N4BP2: variants seen among roughly 807,000 people sequenced by gnomAD.
The protein encoded by N4BP2 is NEDD4-binding protein 2.
In N4BP2, 91 loss-of-function variants were observed where a neutral mutation model predicts 152.8. That is an observed-to-expected ratio of 0.60 (90% confidence interval 0.50 to 0.71). N4BP2 has a LOEUF of 0.71. N4BP2 is among the 30% of genes least tolerant of loss of function. The pLI is 0.00. For missense variants in N4BP2, 1,923 were observed against 2,059.1 expected (o/e 0.93, Z 1.28); for synonymous variants, 646 against 705.3 (o/e 0.92, Z 1.33).
At chr4:40,088,314 GAGTTGTATGGT>G in intron 2 of N4BP2, among the ~76,000 whole-genome samples, 1 of 152,228 alleles carries the variant, frequency 6.6e-6, no homozygotes, top group East Asian at 1.9e-4. Context: ...TGCAATTGCT[GAGTTGTATGGT>G]AGTTGTATAT....
intron 4 of N4BP2, among the ~76,000 whole-genome samples, chr4:40,105,651 G>A (rs886820072): frequency 6.6e-6 from 1 of 151,526 alleles, no homozygotes; most frequent in Non-Finnish European, 1.5e-5. Flanking sequence ...CTGGGTTCAA[G>A]CAATCCTCCT....
At chr4:40,142,973 T>A in intron 15 of N4BP2, 112 bp downstream of exon 15, 1 of 836,724 alleles carries the variant, frequency 1.2e-6, no homozygotes, top group Non-Finnish European at 1.9e-6. Flanking sequence ...GGGAATGTAG[T>A]AGTTATGTAA....
chr4:40,141,680 G>T (rs971590863), intron 14 of N4BP2, among the ~76,000 whole-genome samples: 7 of 152,132 alleles, frequency 4.6e-5, no homozygotes, highest in Non-Finnish European at 8.8e-5. Context: ...CTTCCCAGAC[G>T]GGGTGGCGGC....
the N4BP2 span, among the ~76,000 whole-genome samples, chr4:40,182,884 C>T: frequency 6.6e-6 from 1 of 152,082 alleles, no homozygotes; most frequent in Non-Finnish European, 1.5e-5. Flanking sequence ...ACCATGTTGG[C>T]CAGGCTGGTC....
Position 40,102,116 on chromosome 4 carries a change from G to A in N4BP2, c.271G>A (p.Asp91Asn). 1.9e-6 allele frequency: 3 copies of A among 1,609,960 alleles called. No individual in the cohort carries two copies. The highest frequency in any genetic ancestry group is 1.7e-5 in the Admixed American group (1 of 58,980). Residue 91 changes from aspartate to asparagine, a missense_variant, in exon 4 of 18, where the codon GAT becomes AAT. By Grantham distance (23) the Asp-to-Asn change is conservative. Transcript: ENST00000261435. ...MDCLLELSAT[D>N]TKIEESSSQS... ...TTGTCTATTAGAATTATCTGCCACT[G>A]ATACCAAGATAGAAGAATCATCTTC... is the stretch of plus-strand genomic sequence containing the variant.
chr4:40,136,480 G>A (rs1719411559), intron 13 of N4BP2, among the ~76,000 whole-genome samples: 1 of 152,050 alleles, frequency 6.6e-6, no homozygotes, highest in Admixed American at 6.6e-5. Flanking sequence ...TGCCTTCCGG[G>A]TTCAAGCGAT....
the N4BP2 span, among the ~76,000 whole-genome samples, chr4:40,179,976 C>T: frequency 6.6e-6 from 1 of 152,042 alleles, no homozygotes; most frequent in Non-Finnish European, 1.5e-5. Flanking sequence ...GTTGGTCAGG[C>T]TGGTCTTGAA....
chr4:40,114,022 A>G (rs1011621771), intron 7 of N4BP2, among the ~76,000 whole-genome samples: 1 of 152,214 alleles, frequency 6.6e-6, no homozygotes, highest in Non-Finnish European at 1.5e-5. Context: ...GAGCACTGGA[A>G]GGTAGTACGG....
intron 5 of N4BP2, among the ~76,000 whole-genome samples, chr4:40,107,604 G>A (rs532943682): frequency 7.9e-5 from 12 of 152,094 alleles, no homozygotes; most frequent in South Asian, 2.1e-4. Context: ...GGCTGGTCTC[G>A]AACTCCTGAC....
At chr4:40,136,651 G>A (rs1022166082) in intron 13 of N4BP2, among the ~76,000 whole-genome samples, 7 of 152,184 alleles carry the variant, frequency 4.6e-5, no homozygotes, top group Non-Finnish European at 8.8e-5. Context: ...GCCCCCCGAA[G>A]TGCTGGGATT....
At chr4:40,093,735 G>T (rs993291119) in intron 2 of N4BP2, among the ~76,000 whole-genome samples, 8 of 152,046 alleles carry the variant, frequency 5.3e-5, no homozygotes, top group Non-Finnish European at 8.8e-5. Context: ...TCCTGCTTCT[G>T]TTTCTTCAGT....
chr4:40,146,721 T>C (rs1720552889), intron 16 of N4BP2, among the ~76,000 whole-genome samples: 1 of 152,158 alleles, frequency 6.6e-6, no homozygotes, highest in Non-Finnish European at 1.5e-5. Flanking sequence ...GTATATGATA[T>C]AGTGCTATTA....
At chr4:40,059,862 A>C (rs961371364) in intron 1 of N4BP2, among the ~76,000 whole-genome samples, 3 of 152,196 alleles carry the variant, frequency 2.0e-5, no homozygotes, top group Admixed American at 2.0e-4. Flanking sequence ...CACTATTCTT[A>C]CAGGGGAGGA....
At chr4:40,182,687 T>G in the N4BP2 span, among the ~76,000 whole-genome samples, 4 of 151,800 alleles carry the variant, frequency 2.6e-5, no homozygotes, top group East Asian at 3.9e-4. Flanking sequence ...TATATACATA[T>G]GTATAGAGAG....
At chr4:40,080,078 T>G (rs1388007014) in intron 2 of N4BP2, among the ~76,000 whole-genome samples, 1 of 152,140 alleles carries the variant, frequency 6.6e-6, no homozygotes. Context: ...TGCATTCTTA[T>G]TTTCTATATC....
At chr4:40,067,734 C>T (rs751005133) in intron 1 of N4BP2, among the ~76,000 whole-genome samples, 11 of 151,876 alleles carry the variant, frequency 7.2e-5, no homozygotes, top group African/African-American at 1.9e-4. Context: ...AGTCTCACTC[C>T]GTCACCCAGG....
At chr4:40,103,604 T>C (rs1715920559) in intron 4 of N4BP2, among the ~76,000 whole-genome samples, 1 of 152,186 alleles carries the variant, frequency 6.6e-6, no homozygotes, top group African/African-American at 2.4e-5. Context: ...ATTTTACTGG[T>C]AGTTGGAAAT....
intron 2 of N4BP2, among the ~76,000 whole-genome samples, chr4:40,080,468 C>T (rs994937479): frequency 1.3e-5 from 2 of 151,642 alleles, no homozygotes; most frequent in Admixed American, 1.3e-4. Context: ...CTGCCTCTGT[C>T]TGGGACTACA....
At chr4:40,188,578 T>C in the N4BP2 span, among the ~76,000 whole-genome samples, 2 of 151,872 alleles carry the variant, frequency 1.3e-5, no homozygotes, top group South Asian at 2.1e-4. Flanking sequence ...AACCCGACTC[T>C]ACAAAAAGTA....
Sources: gnomAD v4.1 joint callset for allele counts (sites outside exome capture counted in the v4.1 genomes callset) on GRCh38, gnomAD v4.1.1 for gene constraint, MANE v1.5 for transcripts, NCBI Gene and HGNC (gene_info 2026-07-23, HGNC 2026-07-21) for gene names.